Variants in NLRP13 observed in about 807,000 individuals in gnomAD.
NLRP13 encodes the protein NLR family pyrin domain containing 13, also known as NACHT, LRR and PYD domains-containing protein 13.
In NLRP13, 82 loss-of-function variants were observed where a neutral mutation model predicts 94.4. The ratio of observed to expected loss-of-function variants is 0.87; its 90% CI spans 0.73 to 1.04. The LOEUF is 1.04. Among genes scored for constraint, NLRP13 ranks in the 50% least tolerant of loss-of-function variants. The pLI, the probability that NLRP13 is intolerant of heterozygous loss-of-function variation, is 0.00. For synonymous variants in NLRP13, 553 were observed against 464.7 expected, an observed-to-expected ratio of 1.19 and a Z score of -2.45; for missense variants, 1,426 against 1,230.8, an observed-to-expected ratio of 1.16 and a Z score of -2.37.
At position 55,916,534 on chromosome 19, in the gene NLRP13, CAAAT is replaced by C. The variant is rs976464282; in HGVS notation, c.524-3245_524-3242del. Among the ~76,000 whole-genome samples the C allele has an allele frequency of 1.4e-4, 21 of 151,918 alleles. 1 individual carries two copies. The highest frequency in any genetic ancestry group is 1.5e-5 in the Non-Finnish European group (1 of 67,948). On this transcript the variant is annotated intron_variant, in intron 4 of 10. Transcript: ENST00000342929. ...AAAGAGATATTTTTGAGAGAAAAAT[CAAAT>C]AAAACTTCTGCAAGTGAAAAATTCA...
At chr19:55,896,186 C>A in intron 10 of NLRP13, 67 bp from the exon 11 acceptor site, 1 of 1,538,974 alleles carries the variant, frequency 6.5e-7, no homozygotes, top group Non-Finnish European at 8.9e-7. Flanking sequence ...AAAAGAGATA[C>A]CACATCTGCA....
chr19:55,923,878 A>G, intron 4 of NLRP13, 36 bp downstream of exon 4: 10 of 1,519,512 alleles, frequency 6.6e-6, no homozygotes, highest in Non-Finnish European at 8.2e-6. Flanking sequence ...CTCGTCAAGC[A>G]ACCTGTCCAT....
At chr19:55,895,543 C>T (rs1160460390), downstream of NLRP13, among the ~76,000 whole-genome samples, 3 of 151,932 alleles carry the variant, frequency 2.0e-5, no homozygotes, top group East Asian at 1.9e-4. Context: ...ATTAGCTGGG[C>T]GTGGTGGTGG....
downstream of NLRP13, among the ~76,000 whole-genome samples, chr19:55,894,043 CTTTTTTT>C (rs36039690): frequency 4.4e-5 from 5 of 112,930 alleles, no homozygotes; most frequent in South Asian, 2.9e-4. Context: ...CATGCCCCAA[CTTTTTTT>C]TTTTTTTTTT....
chr19:55,905,808 C>A (rs146786356), intron 7 of NLRP13, among the ~76,000 whole-genome samples: 2 of 152,238 alleles, frequency 1.3e-5, no homozygotes, highest in East Asian at 1.9e-4. Context: ...CTAGTAGCAA[C>A]CCCTACACCA....
In NLRP13 at chr19:55,923,916, G is replaced by A. The variant is rs747737516; in HGVS notation, c.521C>T (p.Ala174Val). The change falls in exon 4 of 11, where the codon GCA becomes GTA. Residue 174 changes from alanine to valine, a missense_variant and splice_region_variant. By Grantham distance (64) the Ala-to-Val change is moderately conservative (BLOSUM62 0). Transcript: ENST00000342929. ...TCAACATAAAGTAGTATACACACCT[G>A]CTTCCTCTAGCATCTCTGGTTCTTC... ...NQEEPEMLEE[A>V]DHRRKYRENM... The A allele has an allele frequency of 1.9e-6, 3 of 1,612,528 alleles. No homozygotes were observed. Among genetic ancestry groups the A allele is most frequent in the Non-Finnish European group, 8.5e-7 (1 of 1,178,608 alleles).
chr19:55,906,464 C>T (rs1336663310), intron 7 of NLRP13, among the ~76,000 whole-genome samples: 1 of 151,894 alleles, frequency 6.6e-6, no homozygotes, highest in East Asian at 1.9e-4. Flanking sequence ...CCAAAACCTA[C>T]CCACTGCCAC....
chr19:55,907,081 C>T (rs1218566819), intron 7 of NLRP13, among the ~76,000 whole-genome samples: 1 of 152,150 alleles, frequency 6.6e-6, no homozygotes, highest in Admixed American at 6.5e-5. Context: ...GCCTCAACCT[C>T]CTGAGTAGCT....
chr19:55,928,212 C>T (rs997171538), intron 1 of NLRP13, among the ~76,000 whole-genome samples: 6 of 152,266 alleles, frequency 3.9e-5, no homozygotes, highest in Non-Finnish European at 5.9e-5. Flanking sequence ...TGATGTGCCC[C>T]GCCTGGCCCT....
In NLRP13 at chr19:55,902,180, G is replaced by A. The variant is rs1986202048; in HGVS notation, c.2644C>T (p.Pro882Ser). 6.2e-7 allele frequency: 1 copy of A among 1,613,882 alleles called. No homozygotes were observed. Among genetic ancestry groups the A allele is most frequent in the Non-Finnish European group, 8.5e-7 (1 of 1,179,928 alleles). ...GCATCTGACAAGTGCTTGCAAGCGG[G>A]TGCTGCCAGCTGGCAAAACCAGAGC... ...LELWFCQLAA[P>S]ACKHLSDALL... The change falls in exon 9 of 11, where the codon CCC becomes TCC. Residue 882 changes from proline (P) to serine (S), a missense_variant. Coordinates refer to ENST00000342929, the MANE Select transcript of NLRP13 (RefSeq NM_176810.2).
chr19:55,906,553 C>T (rs1015705128), intron 7 of NLRP13, among the ~76,000 whole-genome samples: 2 of 151,992 alleles, frequency 1.3e-5, no homozygotes, highest in Admixed American at 6.6e-5. Flanking sequence ...TCAGGGGACA[C>T]GTTGGTAGCG....
chr19:55,899,126 T>C (rs1194605270), intron 9 of NLRP13, among the ~76,000 whole-genome samples, 189 bp from the exon 10 acceptor site: 3 of 151,658 alleles, frequency 2.0e-5, no homozygotes, highest in Non-Finnish European at 4.4e-5. Context: ...TTACCTGAGA[T>C]AGAAAGCCGA....
At chr19:55,930,290 CTG>C (rs1396753306) in intron 1 of NLRP13, among the ~76,000 whole-genome samples, 1 of 152,226 alleles carries the variant, frequency 6.6e-6, no homozygotes, top group Admixed American at 6.5e-5. Context: ...CTTAAGCTGT[CTG>C]TGCCTCAGTT....
At chr19:55,908,192 C>T (rs1311524830) in intron 6 of NLRP13, among the ~76,000 whole-genome samples, 2 of 152,144 alleles carry the variant, frequency 1.3e-5, no homozygotes, top group African/African-American at 4.8e-5. Flanking sequence ...GGGATCCCTC[C>T]TTCCCTCTCC....
intron 4 of NLRP13, among the ~76,000 whole-genome samples, chr19:55,917,782 T>G (rs1986708510): frequency 6.6e-6 from 1 of 151,948 alleles, no homozygotes; most frequent in Non-Finnish European, 1.5e-5. Context: ...AAACAAATAT[T>G]ATTAGACCTA....
At chr19:55,915,575 G>T (rs1188925789) in intron 4 of NLRP13, among the ~76,000 whole-genome samples, 1 of 152,152 alleles carries the variant, frequency 6.6e-6, no homozygotes, top group Non-Finnish European at 1.5e-5. Context: ...TCCAGCCTGG[G>T]CAACGGGGCA....
Position 55,912,977 on chromosome 19 carries a change from G to T in NLRP13, c.840C>A (p.Thr280=). The stretch of plus-strand genomic sequence containing the variant: ...AATCCAAAGAAATCAATTCAGCAAA[G>T]GTAGTTTCCTTCATGTACCTTATTT... ...CHKIRYMKET[T]FAELISLDWP... The change falls in exon 5 of 11, where the codon ACC becomes ACA. Residue 280 remains threonine, a synonymous_variant. Coordinates refer to ENST00000342929, the MANE Select transcript of NLRP13 (RefSeq NM_176810.2). 6.2e-7 allele frequency: 1 copy of T among 1,614,140 alleles called. No homozygotes were observed. The highest frequency in any genetic ancestry group is 8.5e-7 in the Non-Finnish European group (1 of 1,179,996).
chr19:55,931,721 AAAAAG>A (rs1283954806), intron 1 of NLRP13, among the ~76,000 whole-genome samples: 1 of 85,752 alleles, frequency 1.2e-5, no homozygotes, highest in African/African-American at 4.5e-5. Context: ...AAAAAAAAAA[AAAAAG>A]AAAGAAAGAA....
intron 6 of NLRP13, among the ~76,000 whole-genome samples, chr19:55,908,177 A>C (rs145599039): frequency 6.6e-6 from 1 of 152,290 alleles, no homozygotes; most frequent in African/African-American, 2.4e-5. Context: ...GCAGGTACGA[A>C]GTCAGGGATC....
Sources: allele counts gnomAD v4.1 joint callset (sites outside exome capture counted in the v4.1 genomes callset), GRCh38; gene constraint gnomAD v4.1.1; transcripts MANE v1.5; gene names NCBI Gene and HGNC (gene_info 2026-07-23, HGNC 2026-07-21).